Variants in L3MBTL1 observed in about 807,000 individuals in gnomAD.
L3MBTL1 encodes the protein lethal(3)malignant brain tumor-like protein 1.
In L3MBTL1, 75 loss-of-function variants were observed where a neutral mutation model predicts 105.3. The observed-to-expected ratio is 0.71, with a 90% CI of 0.59 to 0.86. L3MBTL1 has a LOEUF of 0.86. Among genes scored for constraint, L3MBTL1 ranks in the 40% least tolerant of loss-of-function variants. L3MBTL1 has a pLI of 0.00. For missense variants in L3MBTL1, 1,069 were observed against 1,126.4 expected (o/e 0.95, Z 0.73); for synonymous variants, 452 against 436.2 (o/e 1.04, Z -0.45).
At chr20:43,529,171 G>T (rs1021525826) in intron 8 of L3MBTL1, 93 bp from the exon 9 acceptor site, 1 of 856,374 alleles carries the variant, frequency 1.2e-6, no homozygotes, top group African/African-American at 1.7e-5. Context: ...TACCAGGCGG[G>T]TGGGGCCTAA....
At chr20:43,548,349 C>T in exon 19 of L3MBTL1, 1 of 1,032,708 alleles carries the variant, frequency 9.7e-7, no homozygotes, top group South Asian at 1.5e-5. Context: ...TCCCCATGCT[C>T]CACCTATATC....
chr20:43,547,971 C>T (rs1035814373), intron 18 of L3MBTL1: 8 of 366,366 alleles, frequency 2.2e-5, no homozygotes, highest in Non-Finnish European at 3.8e-5. Context: ...CCCCTTCTCT[C>T]CTCCTTCCCT....
At chr20:43,535,047 G>T in intron 16 of L3MBTL1, 105 bp downstream of exon 16, 1 of 714,870 alleles carries the variant, frequency 1.4e-6, no homozygotes, top group Admixed American at 2.8e-5. Context: ...ATATGACACA[G>T]AGGGCTCTGA....
In L3MBTL1 at chr20:43,513,636, C is replaced by T; in HGVS notation, c.133C>T (p.Pro45Ser). 6.4e-7 allele frequency: 1 copy of T among 1,550,622 alleles called. No homozygotes were observed. Among genetic ancestry groups the T allele is most frequent in the Non-Finnish European group, 8.7e-7 (1 of 1,146,994 alleles). The stretch of plus-strand genomic sequence containing the variant: ...CCTGCCCGCAACTGCCTTCATCATT[C>T]CAGGTGAGTCAAGCTAGGGTAGGAG... ...PHLPATAFII[P>S]ASSATLGLPS... Residue 45 changes from proline to serine, a missense_variant, in exon 2 of 22, where the codon CCA becomes TCA. Coordinates refer to ENST00000418998, the MANE Select transcript of L3MBTL1 (RefSeq NM_001377303.1).
intron 1 of L3MBTL1, among the ~76,000 whole-genome samples, chr20:43,513,196 T>G (rs1378759327): frequency 6.6e-6 from 1 of 152,228 alleles, no homozygotes; most frequent in Non-Finnish European, 1.5e-5. Context: ...GAGTCAGTTT[T>G]GTACATCACA....
In L3MBTL1 at chr20:43,530,681, C is replaced by A. The variant is rs1412108290; in HGVS notation, c.1193-117C>A. The A allele has an allele frequency of 1.2e-5, 12 of 994,562 alleles. 1 individual carries two copies. In the African/African-American group the frequency reaches 1.4e-4, roughly 12 times the overall value. The allele number at this position is 994,562 out of a possible 1,614,324, so 61.6% of individuals were successfully genotyped here. ...GTAGTGGGGAATCCCTGGGCAAGTTCTTGAGGGTTGGGGGGAGGTCCTCAG... is the reference window on the plus strand; with the variant it reads ...GTAGTGGGGAATCCCTGGGCAAGTTATTGAGGGTTGGGGGGAGGTCCTCAG... On this transcript the variant is annotated intron_variant, in intron 10 of 21. Coordinates refer to ENST00000418998, the MANE Select transcript of L3MBTL1 (RefSeq NM_001377303.1).
At position 43,541,389 on chromosome 20, in the gene L3MBTL1, G is replaced by T; in HGVS notation, c.*261G>T. 2.0e-6 allele frequency: 1 copy of T among 501,926 alleles called. No homozygotes were observed. Among genetic ancestry groups the T allele is most frequent in the Non-Finnish European group, 3.4e-6 (1 of 294,870 alleles). 31.1% of individuals were successfully genotyped at this position (501,926 alleles called of 1,614,324 possible). On this transcript the variant is annotated 3_prime_UTR_variant, in exon 22 of 22. Transcript: ENST00000418998. ...AATGGAGATAAAATGGGTTTAATGA[G>T]GTCTACCTTGCAGAGCCATTGTGAG...
chr20:43,540,325 C>T lies in L3MBTL1; in HGVS notation c.2331+17C>T, dbSNP rs770484158. The T allele has an allele frequency of 2.2e-5, 35 of 1,609,474 alleles. No homozygotes were observed. The highest frequency in any genetic ancestry group is 2.9e-5 in the Non-Finnish European group (34 of 1,177,434). ...ATCGATGAGGTGAGGAGCGAGGGCC[C>T]TTCTTTATCCTTCTCTTCCTCTCCT... On this transcript the variant is annotated intron_variant, in intron 20 of 21. Transcript: ENST00000418998.
intron 1 of L3MBTL1, among the ~76,000 whole-genome samples, chr20:43,508,652 T>C (rs558022613): frequency 6.6e-6 from 1 of 152,390 alleles, no homozygotes; most frequent in East Asian, 1.9e-4. Context: ...TGCACGGCTC[T>C]GGGCTGGGGC....
At chr20:43,545,780 C>T (rs1294288406), downstream of L3MBTL1, among the ~76,000 whole-genome samples, 1 of 152,126 alleles carries the variant, frequency 6.6e-6, no homozygotes, top group Non-Finnish European at 1.5e-5. Flanking sequence ...GGTTTTTAGC[C>T]ATCAGAAGTG....
chr20:43,519,772 C>T (rs1261585937), intron 7 of L3MBTL1, among the ~76,000 whole-genome samples: 1 of 152,196 alleles, frequency 6.6e-6, no homozygotes, highest in East Asian at 1.9e-4. Flanking sequence ...TTCTGAGTAA[C>T]TGGGACTACA....
chr20:43,540,383 C>T, intron 20 of L3MBTL1, 75 bp downstream of exon 20: 1 of 1,549,578 alleles, frequency 6.5e-7, no homozygotes, highest in Non-Finnish European at 8.8e-7. Flanking sequence ...TGGAAAGGCC[C>T]AGGTCAGGTA....
chr20:43,536,952 C>T (rs764586372), intron 19 of L3MBTL1, among the ~76,000 whole-genome samples: 2 of 152,246 alleles, frequency 1.3e-5, no homozygotes, highest in African/African-American at 2.4e-5. Flanking sequence ...GGGCCAGGCA[C>T]TATGCCAGGT....
At chr20:43,547,205 C>T (rs1468182120) in intron 18 of L3MBTL1, among the ~76,000 whole-genome samples, 4 of 150,932 alleles carry the variant, frequency 2.7e-5, no homozygotes, top group Admixed American at 6.6e-5. Flanking sequence ...CCCGGGTTCA[C>T]GCCATTCTCC....
chr20:43,526,784 C>T (rs1253035405), intron 7 of L3MBTL1, among the ~76,000 whole-genome samples: 1 of 152,176 alleles, frequency 6.6e-6, no homozygotes, highest in Non-Finnish European at 1.5e-5. Context: ...AACCCCGTCT[C>T]TACTAAAGAT....
intron 2 of L3MBTL1, 96 bp downstream of exon 2, chr20:43,513,735 GTCC>G: frequency 6.5e-7 from 1 of 1,539,528 alleles, no homozygotes; most frequent in Non-Finnish European, 8.8e-7. Context: ...CGTTTTCACT[GTCC>G]TCCACCTGCC....
chr20:43,536,219 C>T lies in L3MBTL1; in HGVS notation c.2048C>T (p.Ser683Phe), dbSNP rs2145477899. 6.2e-7 allele frequency: 1 copy of T among 1,612,846 alleles called. No homozygotes were observed. The highest frequency in any genetic ancestry group is 2.2e-5 in the East Asian group (1 of 44,834). Residue 683 changes from serine (S) to phenylalanine (F), a missense_variant, in exon 18 of 22, where the codon TCT becomes TTT. By Grantham distance (155) the Ser-to-Phe change is radical. Coordinates refer to ENST00000418998, the MANE Select transcript of L3MBTL1 (RefSeq NM_001377303.1). ...RNQSRLKAEL[S>F]DSEASARKKN... is the part of the protein sequence containing the mutation. ...CAGAGCCGGCTGAAAGCGGAGCTGTCTGACTCGGAGGCCTCAGCCCGCAAG... is the reference window on the plus strand; with the variant it reads ...CAGAGCCGGCTGAAAGCGGAGCTGTTTGACTCGGAGGCCTCAGCCCGCAAG...
At chr20:43,535,520 A>C (rs140250082) in intron 16 of L3MBTL1, among the ~76,000 whole-genome samples, 37 of 152,298 alleles carry the variant, frequency 2.4e-4, no homozygotes, top group African/African-American at 8.4e-4. Flanking sequence ...AGTGACATGA[A>C]TCTGCCAGAT....
At chr20:43,518,645 A>G (rs2018530636) in intron 7 of L3MBTL1, among the ~76,000 whole-genome samples, 1 of 152,010 alleles carries the variant, frequency 6.6e-6, no homozygotes, top group Non-Finnish European at 1.5e-5. Flanking sequence ...GCTTGAAACC[A>G]TGGATAGTAC....
Sources: allele counts gnomAD v4.1 joint callset (sites outside exome capture counted in the v4.1 genomes callset), GRCh38; gene constraint gnomAD v4.1.1; transcripts MANE v1.5; gene names NCBI Gene and HGNC (gene_info 2026-07-23, HGNC 2026-07-21).